Variants in ZC3H12C observed in about 807,000 individuals in gnomAD.
ZC3H12C encodes zinc finger CCCH-type containing 12C, also known as probable ribonuclease ZC3H12C.
A neutral mutation model predicts 76.3 loss-of-function variants in ZC3H12C; 20 were observed. That is an observed-to-expected ratio of 0.26 (90% CI 0.18 to 0.38). ZC3H12C has a LOEUF of 0.38. ZC3H12C is among the 10% of genes least tolerant of loss of function. The pLI, the probability that ZC3H12C is intolerant of heterozygous loss-of-function variation, is 1.00. For missense variants in ZC3H12C, 874 were observed against 1,086.5 expected (o/e 0.80, Z 2.75); for synonymous variants, 352 against 399.6 (o/e 0.88, Z 1.42).
At chr11:110,137,635 A>G (rs1861990187) in intron 2 of ZC3H12C, among the ~76,000 whole-genome samples, 1 of 152,124 alleles carries the variant, frequency 6.6e-6, no homozygotes, top group Admixed American at 6.5e-5. Context: ...TTTCTCAGAT[A>G]TGTCTCTTTT....
intron 1 of ZC3H12C, among the ~76,000 whole-genome samples, chr11:110,134,438 G>T (rs1174819078): frequency 6.6e-6 from 1 of 152,090 alleles, no homozygotes; most frequent in African/African-American, 2.4e-5. Flanking sequence ...CTTTTGGTGG[G>T]AGCGCCATGA....
At chr11:110,109,363 TTA>T (rs1457829427) in intron 1 of ZC3H12C, among the ~76,000 whole-genome samples, 2 of 152,190 alleles carry the variant, frequency 1.3e-5, no homozygotes, top group African/African-American at 4.8e-5. Flanking sequence ...TCAGCTTTGA[TTA>T]TAGGTTCTTA....
chr11:110,093,505 G>T, intron 1 of ZC3H12C, 73 bp downstream of exon 1: 1 of 1,087,510 alleles, frequency 9.2e-7, no homozygotes, highest in East Asian at 4.0e-5. Context: ...GTCGTGGGGA[G>T]GGCCGCGGGG....
chr11:110,159,173 T>C lies in ZC3H12C; in HGVS notation c.914-83T>C, dbSNP rs1162976614. 10 of 1,048,138 alleles carry C rather than the reference T, an allele frequency of 9.5e-6. 1 individual carries two copies. The Admixed American group carries it at 1.8e-4, about 19-fold the overall frequency. 64.9% of individuals were successfully genotyped at this position (1,048,138 alleles called of 1,614,324 possible). A position where few individuals can be genotyped will look rare whatever the true frequency, so the allele number is the denominator to read the frequency against. ...GATTTCATATATACAGCTTATGTTT[T>C]AGAGTTTCACATTGTATGAAAGTTG... On this transcript the variant is annotated intron_variant, in intron 3 of 5. Coordinates refer to ENST00000278590, the MANE Select transcript of ZC3H12C (RefSeq NM_033390.2).
intron 1 of ZC3H12C, among the ~76,000 whole-genome samples, chr11:110,129,391 G>A (rs564221081): frequency 6.6e-6 from 1 of 152,268 alleles, no homozygotes; most frequent in South Asian, 2.1e-4. Flanking sequence ...TAACCATGTA[G>A]ATCTTCTTAT....
chr11:110,118,268 A>T (rs975035801), intron 1 of ZC3H12C, among the ~76,000 whole-genome samples: 1 of 151,636 alleles, frequency 6.6e-6, no homozygotes, highest in Non-Finnish European at 1.5e-5. Context: ...GATAAGGACG[A>T]GGAAATCTGA....
At position 110,169,309 on chromosome 11, in the gene ZC3H12C, T is replaced by A. The variant is rs183581672; in HGVS notation, c.*3572T>A. On this transcript the variant is annotated 3_prime_UTR_variant, in exon 6 of 6. Transcript: ENST00000278590. The stretch of plus-strand genomic sequence containing the variant: ...TATACTTTGCTTATGTTATAGCTCT[T>A]AGTTTGTGACAGGTGGGAGGATGGC... The A allele has an allele frequency of 6.6e-6, 1 of 150,944 alleles. No individual in the cohort carries two copies. The highest frequency in any genetic ancestry group is 1.9e-4 in the East Asian group (1 of 5,158). 9.4% of individuals were successfully genotyped at this position (150,944 alleles called of 1,614,324 possible). A position where few individuals can be genotyped will look rare whatever the true frequency, so the allele number is the denominator to read the frequency against.
intron 1 of ZC3H12C, among the ~76,000 whole-genome samples, chr11:110,129,622 T>C (rs905250067): frequency 6.6e-6 from 1 of 152,198 alleles, no homozygotes; most frequent in Non-Finnish European, 1.5e-5. Flanking sequence ...AGGCTCTGCA[T>C]AAATCAGCCT....
chr11:110,130,442 A>G (rs552297964), intron 1 of ZC3H12C, among the ~76,000 whole-genome samples: 3 of 152,196 alleles, frequency 2.0e-5, no homozygotes, highest in Admixed American at 2.0e-4. Context: ...ATTTTCCACT[A>G]TTTCCAGGGA....
chr11:110,124,818 T>A, intron 1 of ZC3H12C, among the ~76,000 whole-genome samples: 2 of 68,726 alleles, frequency 2.9e-5, no homozygotes, highest in African/African-American at 1.7e-4. Context: ...AGCTGAGATT[T>A]TTTTTTTTTT....
chr11:110,153,229 C>T (rs915587046), intron 3 of ZC3H12C, among the ~76,000 whole-genome samples, 171 bp downstream of exon 3: 6 of 152,192 alleles, frequency 3.9e-5, no homozygotes, highest in African/African-American at 1.4e-4. Flanking sequence ...CCACTGTCAC[C>T]CAGGCTGGGG....
chr11:110,158,600 C>A (rs976675728), intron 3 of ZC3H12C, among the ~76,000 whole-genome samples: 1 of 152,062 alleles, frequency 6.6e-6, no homozygotes. Context: ...ATGATGACTT[C>A]TTATCTTTTA....
intron 1 of ZC3H12C, among the ~76,000 whole-genome samples, chr11:110,113,473 C>T (rs1006862336): frequency 6.6e-6 from 1 of 152,114 alleles, no homozygotes; most frequent in Non-Finnish European, 1.5e-5. Context: ...TTTTACTGTA[C>T]CACAATTTTT....
At chr11:110,102,045 A>T (rs1861226603) in intron 1 of ZC3H12C, among the ~76,000 whole-genome samples, 1 of 151,760 alleles carries the variant, frequency 6.6e-6, no homozygotes, top group African/African-American at 2.4e-5. Flanking sequence ...AAGAACTCTG[A>T]TGGAGATTTA....
chr11:110,129,161 T>C (rs1419813763), intron 1 of ZC3H12C, among the ~76,000 whole-genome samples: 1 of 152,206 alleles, frequency 6.6e-6, no homozygotes, highest in Non-Finnish European at 1.5e-5. Context: ...CTAGTAATTA[T>C]ATTTAGTTCA....
chr11:110,130,413 C>G (rs1861839527), intron 1 of ZC3H12C, among the ~76,000 whole-genome samples: 1 of 152,136 alleles, frequency 6.6e-6, no homozygotes, highest in Non-Finnish European at 1.5e-5. Context: ...AACAAATTAA[C>G]AAATACTTAA....
Position 110,165,275 on chromosome 11 carries a change from T to C in ZC3H12C, c.2190T>C (p.Ser730=), listed in dbSNP as rs1862559145. ...SCPGDYPSPP[S]SAHSKAPHLG... ...CTGGCGACTACCCCTCTCCTCCAAG[T>C]TCAGCACACTCTAAGGCACCACACC... is the stretch of plus-strand genomic sequence containing the variant. Residue 730 remains serine, a synonymous_variant, in exon 6 of 6, where the codon AGT becomes AGC. Coordinates refer to ENST00000278590, the MANE Select transcript of ZC3H12C (RefSeq NM_033390.2). The C allele has an allele frequency of 6.2e-7, 1 of 1,613,950 alleles. No homozygotes were observed. The highest frequency in any genetic ancestry group is 8.5e-7 in the Non-Finnish European group (1 of 1,179,880).
intron 1 of ZC3H12C, among the ~76,000 whole-genome samples, chr11:110,105,632 A>G (rs909469454): frequency 6.6e-6 from 1 of 152,174 alleles, no homozygotes; most frequent in African/African-American, 2.4e-5. Flanking sequence ...GATGACTTAA[A>G]ATTTATAATT....
intron 4 of ZC3H12C, among the ~76,000 whole-genome samples, chr11:110,159,833 G>T (rs1459807850): frequency 1.3e-5 from 2 of 152,208 alleles, no homozygotes; most frequent in African/African-American, 4.8e-5. Flanking sequence ...TCAATTTAGA[G>T]CACTGATAGC....
Sources: allele counts gnomAD v4.1 joint callset (sites outside exome capture counted in the v4.1 genomes callset), GRCh38; gene constraint gnomAD v4.1.1; transcripts MANE v1.5; gene names NCBI Gene and HGNC (gene_info 2026-07-23, HGNC 2026-07-21).